PTPRD: variants seen among roughly 807,000 people sequenced by gnomAD.
PTPRD encodes receptor-type tyrosine-protein phosphatase delta.
Under a neutral mutation model 214.5 loss-of-function variants are expected in PTPRD, and 34 were observed. The observed-to-expected ratio is 0.16, with a 90% confidence interval of 0.12 to 0.21. PTPRD has a LOEUF of 0.21. Among genes scored for constraint, PTPRD ranks in the 10% least tolerant of loss-of-function variants. The pLI, the probability that PTPRD is intolerant of heterozygous loss-of-function variation, is 1.00. For synonymous variants in PTPRD, 1,128 were observed against 845.7 expected (o/e 1.33, Z -5.79); for missense variants, 2,545 against 2,398.7 (o/e 1.06, Z -1.27).
chr9:9,781,472 C>T (rs1049221452), intron 5 of PTPRD, among the ~76,000 whole-genome samples: 7 of 152,096 alleles, frequency 4.6e-5, no homozygotes, highest in Admixed American at 3.3e-4. Flanking sequence ...GAAATCTAGT[C>T]AAATTTAATC....
intron 10 of PTPRD, among the ~76,000 whole-genome samples, chr9:9,174,679 A>G (rs539595495): frequency 2.0e-5 from 3 of 152,222 alleles, no homozygotes; most frequent in African/African-American, 7.2e-5. Context: ...TTATTTAATA[A>G]CTATAGTGAT....
At chr9:10,336,779 C>T (rs968884454) in intron 3 of PTPRD, among the ~76,000 whole-genome samples, 2 of 151,620 alleles carry the variant, frequency 1.3e-5, no homozygotes, top group African/African-American at 4.8e-5. Flanking sequence ...TAAGGGGACA[C>T]AGGGACTAGG....
At chr9:8,412,642 T>A (rs530467692) in intron 35 of PTPRD, among the ~76,000 whole-genome samples, 96 of 152,310 alleles carry the variant, frequency 6.3e-4, no homozygotes, top group African/African-American at 2.2e-3. Flanking sequence ...GTGACTTGTA[T>A]AAGAACATCC....
chr9:9,718,076 T>G (rs2097864049), intron 7 of PTPRD, among the ~76,000 whole-genome samples: 1 of 152,204 alleles, frequency 6.6e-6, no homozygotes, highest in Non-Finnish European at 1.5e-5. Flanking sequence ...CGAATTCTGC[T>G]CTTTTCAGAA....
At chr9:9,094,681 C>T (rs67615460) in intron 10 of PTPRD, among the ~76,000 whole-genome samples, 20,854 of 151,982 alleles carry the variant, frequency 0.14, 1,670 homozygotes, top group East Asian at 0.23. Flanking sequence ...GAATAAAAAA[C>T]TAAAATAAAG....
intron 9 of PTPRD, among the ~76,000 whole-genome samples, chr9:9,256,017 A>T (rs925364713): frequency 1.3e-5 from 2 of 152,188 alleles, no homozygotes; most frequent in Admixed American, 1.3e-4. Context: ...TTTTCCCCAG[A>T]TAAAAGCATA....
chr9:10,557,676 A>C (rs1381844658), intron 2 of PTPRD, among the ~76,000 whole-genome samples: 1 of 152,108 alleles, frequency 6.6e-6, no homozygotes, highest in East Asian at 1.9e-4. Flanking sequence ...GCTTAGATTA[A>C]ATGTTTACCC....
chr9:8,896,787 T>C (rs908138619), intron 11 of PTPRD, among the ~76,000 whole-genome samples: 4 of 152,166 alleles, frequency 2.6e-5, no homozygotes, highest in African/African-American at 4.8e-5. Flanking sequence ...CACAGGCACA[T>C]AAAACATTCC....
chr9:9,961,325 C>T (rs1252491428), intron 4 of PTPRD, among the ~76,000 whole-genome samples: 1 of 152,096 alleles, frequency 6.6e-6, no homozygotes, highest in African/African-American at 2.4e-5. Flanking sequence ...GTCATCTGTT[C>T]CTTGTTTGAG....
chr9:8,815,807 T>C (rs2096908303), intron 11 of PTPRD, among the ~76,000 whole-genome samples: 2 of 151,972 alleles, frequency 1.3e-5, no homozygotes, highest in Admixed American at 1.3e-4. Flanking sequence ...AATCAAGGGG[T>C]GAAAATGAAA....
At chr9:8,823,062 G>T (rs2097103486) in intron 11 of PTPRD, among the ~76,000 whole-genome samples, 1 of 151,812 alleles carries the variant, frequency 6.6e-6, no homozygotes, top group Non-Finnish European at 1.5e-5. Context: ...TAATACTCAG[G>T]GTTCTGTTTC....
At chr9:9,792,461 A>G (rs2098974730) in intron 5 of PTPRD, among the ~76,000 whole-genome samples, 1 of 152,198 alleles carries the variant, frequency 6.6e-6, no homozygotes, top group African/African-American at 2.4e-5. Flanking sequence ...GTGTAACCTA[A>G]TGATGTTCAA....
intron 25 of PTPRD, 105 bp downstream of exon 25, chr9:8,499,542 T>A (rs1012315986): frequency 8.5e-7 from 1 of 1,173,298 alleles, no homozygotes; most frequent in Non-Finnish European, 1.2e-6. Context: ...GAATTTTGTA[T>A]AGGATTTTTT....
chr9:9,407,637 T>C (rs2073972412), intron 8 of PTPRD, among the ~76,000 whole-genome samples: 1 of 151,792 alleles, frequency 6.6e-6, no homozygotes, highest in Non-Finnish European at 1.5e-5. Flanking sequence ...TCACTTTTAG[T>C]GCCACTGTTT....
At chr9:8,845,074 C>A (rs1444719744) in intron 11 of PTPRD, among the ~76,000 whole-genome samples, 6 of 151,052 alleles carry the variant, frequency 4.0e-5, no homozygotes, top group African/African-American at 1.5e-4. Context: ...TTGCATTTAG[C>A]ATAGTTTAAT....
At chr9:9,045,602 C>A (rs2099670190) in intron 10 of PTPRD, among the ~76,000 whole-genome samples, 1 of 152,124 alleles carries the variant, frequency 6.6e-6, no homozygotes, top group Non-Finnish European at 1.5e-5. Flanking sequence ...GTAAGCTGAG[C>A]TTTGAATGAC....
At chr9:9,636,607 T>G (rs148807196) in intron 7 of PTPRD, among the ~76,000 whole-genome samples, 1 of 152,310 alleles carries the variant, frequency 6.6e-6, no homozygotes, top group African/African-American at 2.4e-5. Flanking sequence ...AGAAACAGTC[T>G]TCTTTTTCCT....
chr9:9,984,143 T>C (rs2095632372), intron 4 of PTPRD, among the ~76,000 whole-genome samples: 1 of 152,114 alleles, frequency 6.6e-6, no homozygotes, highest in Non-Finnish European at 1.5e-5. Context: ...TGAATAAAAA[T>C]AATAAAATAG....
chr9:8,621,213 C>G (rs2095810917), intron 14 of PTPRD, among the ~76,000 whole-genome samples: 1 of 151,652 alleles, frequency 6.6e-6, no homozygotes, highest in Admixed American at 6.6e-5. Context: ...TTTTCTGGCA[C>G]CCGAGTATGG....
Sources: allele counts gnomAD v4.1 joint callset (sites outside exome capture counted in the v4.1 genomes callset), GRCh38; gene constraint gnomAD v4.1.1; transcripts MANE v1.5; gene names NCBI Gene and HGNC (gene_info 2026-07-23, HGNC 2026-07-21).